The following TRPS1 variants were observed in gnomAD, a reference collection of about 807,000 sequenced individuals.
The protein encoded by TRPS1 is zinc finger transcription factor Trps1.
TRPS1 carries 6 observed loss-of-function variants against 101.2 expected under a neutral mutation model. The observed-to-expected ratio is 0.06, with a 90% confidence interval of 0.03 to 0.12. The LOEUF (loss-of-function observed/expected upper bound fraction) is 0.12. Among genes scored for constraint, TRPS1 ranks in the 10% least tolerant of loss-of-function variants. The pLI, the probability that TRPS1 is intolerant of heterozygous loss-of-function variation, is 1.00. For missense variants in TRPS1, 1,363 were observed against 1,567.0 expected (o/e 0.87, Z 2.20); for synonymous variants, 578 against 589.8 (o/e 0.98, Z 0.29).
At chr8:115,481,405 C>T (rs1485411165) in intron 5 of TRPS1, among the ~76,000 whole-genome samples, 1 of 151,880 alleles carries the variant, frequency 6.6e-6, no homozygotes, top group Non-Finnish European at 1.5e-5. Flanking sequence ...CAACCCCCCC[C>T]CACTCTTCTG....
chr8:115,459,783 C>A (rs750712846), intron 5 of TRPS1, among the ~76,000 whole-genome samples: 10 of 152,074 alleles, frequency 6.6e-5, no homozygotes, highest in Non-Finnish European at 1.5e-4. Flanking sequence ...AAATTCAGAC[C>A]ACTGAAGTTA....
Position 115,604,405 on chromosome 8 carries a change from C to A in TRPS1, c.1564G>T (p.Asp522Tyr). 6.2e-7 allele frequency: 1 copy of A among 1,614,052 alleles called. No homozygotes were observed. Among genetic ancestry groups the A allele is most frequent in the East Asian group, 2.2e-5 (1 of 44,856 alleles). ...DKSSSGAKKK[D>Y]FSSKGAEDNM... ...TCCTCGGCTCCCTTGCTGGAGAAGTCCTTCTTTTTAGCCCCACTCGAGCTC... is the reference window on the plus strand; with the variant it reads ...TCCTCGGCTCCCTTGCTGGAGAAGTACTTCTTTTTAGCCCCACTCGAGCTC... The change falls in exon 4 of 7, where the codon GAC (aspartate) becomes TAC (tyrosine). Residue 522 changes from aspartate to tyrosine, a missense_variant. Around this residue, in one of 5 missense-constraint regions of TRPS1, gnomAD observed 1,020 missense variants for 1,073.0 expected, o/e 0.95. Coordinates refer to ENST00000395715, the MANE Select transcript of TRPS1 (RefSeq NM_014112.5). The surrounding 1 kb of genome is among the most constrained non-coding windows in gnomAD (Gnocchi z 4.1).
chr8:115,489,328 T>A (rs754386765), intron 5 of TRPS1, among the ~76,000 whole-genome samples: 2 of 152,216 alleles, frequency 1.3e-5, no homozygotes, highest in African/African-American at 2.4e-5. Flanking sequence ...TGAATCCCAA[T>A]CTTAAAAAAC....
At chr8:115,648,546 G>T (rs1997586) in intron 1 of TRPS1, among the ~76,000 whole-genome samples, 3 of 152,296 alleles carry the variant, frequency 2.0e-5, no homozygotes, top group Non-Finnish European at 4.4e-5. Context: ...TTCCCAGACT[G>T]AGCCAACTCA....
chr8:115,554,419 C>T (rs1422886702), intron 5 of TRPS1, among the ~76,000 whole-genome samples: 1 of 152,142 alleles, frequency 6.6e-6, no homozygotes, highest in East Asian at 1.9e-4. Flanking sequence ...CCGTTATCAC[C>T]AAATGAAATG....
intron 5 of TRPS1, among the ~76,000 whole-genome samples, chr8:115,498,991 A>T (rs1425391264): frequency 6.6e-6 from 1 of 152,178 alleles, no homozygotes; most frequent in Non-Finnish European, 1.5e-5. Flanking sequence ...TTGGAAAATG[A>T]AGTACTTTTA....
rs552489424 is a variant in TRPS1, at chr8:115,628,427, A to T, written c.-121-4669T>A. On this transcript the variant is annotated intron_variant, in intron 1 of 6. Transcript: ENST00000395715. The stretch of plus-strand genomic sequence containing the variant: ...ATTAGCATCATTTTTCCCTCTGACA[A>T]AAACAAATTACACACACACACACAC... 2.0e-5 allele frequency among the ~76,000 whole-genome samples: 3 copies of T among 151,816 alleles called. No homozygotes were observed. The South Asian group carries it at 6.2e-4, about 32-fold the overall frequency.
chr8:115,483,008 A>C (rs1205561740), intron 5 of TRPS1, among the ~76,000 whole-genome samples: 2 of 152,218 alleles, frequency 1.3e-5, no homozygotes, highest in African/African-American at 4.8e-5. Context: ...TGAACTGTAA[A>C]TGCATAAACA....
intron 5 of TRPS1, among the ~76,000 whole-genome samples, chr8:115,526,825 G>A (rs1816009650): frequency 6.6e-6 from 1 of 152,136 alleles, no homozygotes; most frequent in African/African-American, 2.4e-5. Flanking sequence ...ATTGACCCTT[G>A]AAACACTGCC....
At position 115,412,906 on chromosome 8, in the gene TRPS1, A is replaced by G. The variant is rs1172649461; in HGVS notation, c.*1117T>C. ...TTTAATGCTACTTAACTAAATCTGT[A>G]TACATTTAATGAAGGGATTGGCTGG... On this transcript the variant is annotated 3_prime_UTR_variant, in exon 7 of 7. Coordinates refer to ENST00000395715, the MANE Select transcript of TRPS1 (RefSeq NM_014112.5). The G allele has an allele frequency of 6.6e-6, 1 of 152,590 alleles. No homozygotes were observed. Among genetic ancestry groups the G allele is most frequent in the Non-Finnish European group, 1.5e-5 (1 of 68,024 alleles). 9.5% of individuals were successfully genotyped at this position (152,590 alleles called of 1,614,324 possible). A position where few individuals can be genotyped will look rare whatever the true frequency, so the allele number is the denominator to read the frequency against.
At chr8:115,658,245 C>T (rs1811719240) in intron 1 of TRPS1, among the ~76,000 whole-genome samples, 1 of 152,090 alleles carries the variant, frequency 6.6e-6, no homozygotes, top group Non-Finnish European at 1.5e-5. Flanking sequence ...ACAGGACCTT[C>T]CACTCCTGAA....
At chr8:115,584,627 CTT>C (rs77676407) in intron 5 of TRPS1, among the ~76,000 whole-genome samples, 1 of 138,300 alleles carries the variant, frequency 7.2e-6, no homozygotes. Flanking sequence ...CAAAATTCTG[CTT>C]TTTTTTTTTT....
chr8:115,469,384 G>C (rs1474323268), intron 5 of TRPS1, among the ~76,000 whole-genome samples: 1 of 152,174 alleles, frequency 6.6e-6, no homozygotes, highest in African/African-American at 2.4e-5. Flanking sequence ...TAGTAAATGG[G>C]TAAATAAGGA....
chr8:115,584,135 T>G (rs1303486875), intron 5 of TRPS1, among the ~76,000 whole-genome samples: 5 of 152,022 alleles, frequency 3.3e-5, no homozygotes, highest in African/African-American at 1.2e-4. Context: ...TTCAAAATGT[T>G]TCCATTATTT....
At chr8:115,485,668 G>A (rs1439924920) in intron 5 of TRPS1, among the ~76,000 whole-genome samples, 1 of 152,080 alleles carries the variant, frequency 6.6e-6, no homozygotes, top group Non-Finnish European at 1.5e-5. Flanking sequence ...ACTTCACCAC[G>A]ATCTATGCCA....
At chr8:115,495,284 G>A (rs183447252) in intron 5 of TRPS1, among the ~76,000 whole-genome samples, 24 of 152,098 alleles carry the variant, frequency 1.6e-4, no homozygotes, top group Admixed American at 1.4e-3. Context: ...ATGCAACTCT[G>A]TATTACCATG....
At position 115,500,060 on chromosome 8, in the gene TRPS1, C is replaced by T. The variant is rs143760127; in HGVS notation, c.2701-81608G>A. On this transcript the variant is annotated intron_variant, in intron 5 of 6. Coordinates refer to ENST00000395715, the MANE Select transcript of TRPS1 (RefSeq NM_014112.5). ...TTTCCTTTTTTCCAAGACGCGATCT[C>T]GCTCTATCACCTAGGCTGTTGTGCA... Among the ~76,000 whole-genome samples the T allele has an allele frequency of 3.9e-3, 585 of 151,724 alleles. 1 individual carries two copies. The highest frequency in any genetic ancestry group is 0.014 in the African/African-American group (558 of 41,316).
At chr8:115,611,261 G>A (rs890022210) in intron 3 of TRPS1, among the ~76,000 whole-genome samples, 2 of 152,130 alleles carry the variant, frequency 1.3e-5, no homozygotes, top group African/African-American at 2.4e-5. Flanking sequence ...ACCTGCAGGT[G>A]CTGCTGGTTC....
At chr8:115,579,049 A>T (rs766681552) in intron 5 of TRPS1, among the ~76,000 whole-genome samples, 22 of 152,000 alleles carry the variant, frequency 1.4e-4, no homozygotes, top group Non-Finnish European at 2.6e-4. Context: ...TAGGCAAAAT[A>T]CTTAATATCC....
Sources: gnomAD v4.1 joint callset for allele counts (sites outside exome capture counted in the v4.1 genomes callset) on GRCh38, gnomAD v4.1.1 for gene constraint, gnomAD v4.1.1 regional missense constraint, Gnocchi (gnomAD v3.1) non-coding constraint, MANE v1.5 for transcripts, NCBI Gene and HGNC (gene_info 2026-07-23, HGNC 2026-07-21) for gene names.